Variants in KCNB2 observed in about 807,000 individuals in gnomAD.
The protein encoded by KCNB2 is delayed rectifier potassium channel protein.
KCNB2 carries 15 observed loss-of-function variants against 61.5 expected under a neutral mutation model. That is an observed-to-expected ratio of 0.24 (90% CI 0.16 to 0.38). The LOEUF is 0.38. KCNB2 is among the 10% of genes least tolerant of loss of function. The probability of loss-of-function intolerance (pLI) is 1.00; values close to 1 mark genes in which losing one functional copy is unlikely to be tolerated. For synonymous variants in KCNB2, 457 were observed against 446.0 expected (o/e 1.02, Z -0.31); for missense variants, 828 against 1,125.2 (o/e 0.74, Z 3.78).
intron 2 of KCNB2, among the ~76,000 whole-genome samples, chr8:72,669,343 A>T (rs1324380095): frequency 1.3e-5 from 2 of 152,234 alleles, no homozygotes; most frequent in African/African-American, 2.4e-5. Context: ...GCTCAGTAAG[A>T]CTTTAAAGTA....
At chr8:72,653,081 A>G (rs73305879) in intron 2 of KCNB2, among the ~76,000 whole-genome samples, 4,236 of 152,176 alleles carry the variant, frequency 0.028, 76 homozygotes, top group South Asian at 0.074. Context: ...CTGTGTCTGT[A>G]TCCCCTTCCC....
intron 2 of KCNB2, among the ~76,000 whole-genome samples, chr8:72,578,968 T>C (rs997338242): frequency 4.6e-5 from 7 of 152,198 alleles, no homozygotes; most frequent in African/African-American, 1.7e-4. Flanking sequence ...TGGTGTACTT[T>C]CTGTGCAGAA....
chr8:72,785,650 A>G (rs1378133972), intron 2 of KCNB2, among the ~76,000 whole-genome samples: 1 of 152,176 alleles, frequency 6.6e-6, no homozygotes, highest in Non-Finnish European at 1.5e-5. Context: ...GGAGATATCT[A>G]CTATGAATAA....
chr8:72,545,974 C>A (rs150044372), intron 1 of KCNB2, among the ~76,000 whole-genome samples: 1 of 152,124 alleles, frequency 6.6e-6, no homozygotes, highest in Admixed American at 6.5e-5. Flanking sequence ...CAGAACAAGA[C>A]CTTAACTCTC....
At chr8:72,766,029 A>G (rs771175609) in intron 2 of KCNB2, among the ~76,000 whole-genome samples, 2 of 152,182 alleles carry the variant, frequency 1.3e-5, no homozygotes, top group Non-Finnish European at 2.9e-5. Flanking sequence ...CATAGGGCCA[A>G]ATACACCCAA....
intron 2 of KCNB2, among the ~76,000 whole-genome samples, chr8:72,765,203 C>T (rs927959797): frequency 3.3e-5 from 5 of 152,180 alleles, no homozygotes; most frequent in African/African-American, 1.2e-4. Context: ...AGGATGGACT[C>T]TCACCCAGAG....
chr8:72,802,575 T>C (rs886958116), intron 2 of KCNB2, among the ~76,000 whole-genome samples: 4 of 152,250 alleles, frequency 2.6e-5, no homozygotes, highest in Admixed American at 1.3e-4. Context: ...CAATGTGCTA[T>C]GTAACCATTC....
At chr8:72,608,751 G>T (rs1805494249) in intron 2 of KCNB2, among the ~76,000 whole-genome samples, 1 of 152,140 alleles carries the variant, frequency 6.6e-6, no homozygotes, top group Non-Finnish European at 1.5e-5. Context: ...CAAGGGATGA[G>T]ACATCAGTTC....
chr8:72,676,269 T>C (rs1344848801), intron 2 of KCNB2, among the ~76,000 whole-genome samples: 1 of 152,080 alleles, frequency 6.6e-6, no homozygotes, highest in East Asian at 1.9e-4. Context: ...CAGAAAGTAA[T>C]TGGGTCCAAT....
intron 2 of KCNB2, among the ~76,000 whole-genome samples, chr8:72,860,703 T>C (rs1249526234): frequency 6.6e-6 from 1 of 152,202 alleles, no homozygotes; most frequent in Non-Finnish European, 1.5e-5. Context: ...TTTCTACCCC[T>C]AGCATAAGGA....
At chr8:72,542,147 GT>G (rs1443421116) in intron 1 of KCNB2, among the ~76,000 whole-genome samples, 2 of 152,034 alleles carry the variant, frequency 1.3e-5, no homozygotes, top group Non-Finnish European at 2.9e-5. Context: ...TTGAAGAAAA[GT>G]TTTTTCTAAA....
rs1470623470 is a variant in KCNB2 at position 72,850,238 on chromosome 8, TAA to T, written c.580-85695_580-85694del. 3.3e-5 allele frequency among the ~76,000 whole-genome samples: 4 copies of T among 122,730 alleles called. No homozygotes were observed. The Admixed American group carries it at 3.4e-4, about 10-fold the overall frequency. The allele number at this position is 122,730 out of a possible 152,430, so 80.5% of individuals were successfully genotyped here. On this transcript the variant is annotated intron_variant, in intron 2 of 2. Coordinates refer to ENST00000523207, the MANE Select transcript of KCNB2 (RefSeq NM_004770.3). ...GTGTGTGTATGTGTGTGTGTGTGTGTAAATAGAGTCTCACTCTGTCACCCAGG... is the reference window on the plus strand; with the variant it reads ...GTGTGTGTATGTGTGTGTGTGTGTGTATAGAGTCTCACTCTGTCACCCAGG...
At chr8:72,592,618 G>T (rs1807118898) in intron 2 of KCNB2, among the ~76,000 whole-genome samples, 1 of 152,124 alleles carries the variant, frequency 6.6e-6, no homozygotes, top group South Asian at 2.1e-4. Flanking sequence ...GGATGCCACT[G>T]CTGGAAACAC....
intron 2 of KCNB2, among the ~76,000 whole-genome samples, chr8:72,719,192 G>C (rs1368985061): frequency 1.3e-5 from 2 of 151,946 alleles, no homozygotes; most frequent in African/African-American, 4.8e-5. Flanking sequence ...TCTAATCACT[G>C]TTTTAAACTC....
chr8:72,646,708 C>T (rs1232498383), intron 2 of KCNB2, among the ~76,000 whole-genome samples: 2 of 151,910 alleles, frequency 1.3e-5, no homozygotes, highest in East Asian at 1.9e-4. Context: ...CATAGAATGG[C>T]GGGTATCAAG....
chr8:72,742,666 C>T (rs1807982108), intron 2 of KCNB2, among the ~76,000 whole-genome samples: 1 of 152,130 alleles, frequency 6.6e-6, no homozygotes, highest in Non-Finnish European at 1.5e-5. Context: ...ATCAGAAGAA[C>T]GTTTCCTGTC....
rs78744353 is a variant in KCNB2 at position 72,634,520 on chromosome 8, C to T, written c.579+66207C>T. Among the ~76,000 whole-genome samples, 342 of 152,240 alleles carry T rather than the reference C, an allele frequency of 2.2e-3. 1 individual carries two copies. The highest frequency in any genetic ancestry group is 7.7e-3 in the African/African-American group (322 of 41,554). ...TACCAACAAAATGAATCAATTTCTT[C>T]CCAAAGGGTTATTTTTTTCACACCA... On this transcript the variant is annotated intron_variant, in intron 2 of 2. Transcript: ENST00000523207.
chr8:72,776,001 T>C (rs772937173), intron 2 of KCNB2, among the ~76,000 whole-genome samples: 6 of 152,102 alleles, frequency 3.9e-5, no homozygotes, highest in Admixed American at 6.5e-5. Context: ...GGAACCAACC[T>C]AAATGTCCAT....
chr8:72,908,812 T>A (rs1424140156), intron 2 of KCNB2, among the ~76,000 whole-genome samples: 1 of 152,146 alleles, frequency 6.6e-6, no homozygotes, highest in African/African-American at 2.4e-5. Context: ...TAAAAGATTA[T>A]CTCCTTCCCA....
Sources: gnomAD v4.1 joint callset for allele counts (sites outside exome capture counted in the v4.1 genomes callset) on GRCh38, gnomAD v4.1.1 for gene constraint, MANE v1.5 for transcripts, NCBI Gene and HGNC (gene_info 2026-07-23, HGNC 2026-07-21) for gene names.